Variants in AKT1 observed in about 807,000 individuals in gnomAD.
AKT1 encodes the protein RAC-alpha serine/threonine-protein kinase.
Under a neutral mutation model 63.1 loss-of-function variants are expected in AKT1, and 21 were observed. That is an observed-to-expected ratio of 0.33 (90% CI 0.24 to 0.48). AKT1 has a LOEUF of 0.48. Ranked by LOEUF, AKT1 falls within the 20% of genes least tolerant of loss-of-function variation. The probability of loss-of-function intolerance (pLI) is 0.99; values close to 1 mark genes in which losing one functional copy is unlikely to be tolerated. For synonymous variants in AKT1, 257 were observed against 253.1 expected, an observed-to-expected ratio of 1.02 and a Z score of -0.15; for missense variants, 382 against 666.0, an observed-to-expected ratio of 0.57 and a Z score of 4.69.
intron 3 of AKT1, among the ~76,000 whole-genome samples, chr14:104,781,675 C>T (rs1893054483): frequency 6.6e-6 from 1 of 152,200 alleles, no homozygotes; most frequent in Non-Finnish European, 1.5e-5. Context: ...AAGACCAGCC[C>T]TCTCTCTGCC....
chr14:104,772,486 C>T, intron 12 of AKT1, 34 bp from the exon 13 acceptor site: 1 of 1,605,318 alleles, frequency 6.2e-7, no homozygotes, highest in Non-Finnish European at 8.5e-7. Flanking sequence ...AGTGTCGGTA[C>T]CGCCACCTGC....
intron 3 of AKT1, 85 bp from the exon 4 acceptor site, chr14:104,780,301 G>A (rs886862798): frequency 4.8e-5 from 74 of 1,543,794 alleles, no homozygotes; most frequent in Non-Finnish European, 5.9e-5. Flanking sequence ...GGGTGTGCCA[G>A]GACAGATGTG....
At chr14:104,792,244 T>G (rs974608471) in intron 3 of AKT1, among the ~76,000 whole-genome samples, 2 of 152,136 alleles carry the variant, frequency 1.3e-5, no homozygotes, top group African/African-American at 2.4e-5. Flanking sequence ...CAGGAGCCCT[T>G]GGGCAGTGCC....
At position 104,773,318 on chromosome 14, in the gene AKT1, T is replaced by C. The variant is rs1892504858; in HGVS notation, c.890A>G (p.Lys297Arg). Residue 297 changes from lysine (K) to arginine (R), a missense_variant, in exon 11 of 15, where the codon AAG becomes AGG. Lys to Arg is a conservative substitution (Grantham distance 26). Around this residue, in one of 3 missense-constraint regions of AKT1, gnomAD observed 66 missense variants for 179.1 expected, o/e 0.37. Transcript: ENST00000649815. The stretch of plus-strand genomic sequence containing the variant: ...GGTGGCACCGTCCTTGATCCCCTCC[T>C]TGCACAGCCCGAAGTCTGTGATCTT... ...HIKITDFGLC[K>R]EGIKDGATMK... The C allele has an allele frequency of 6.2e-7, 1 of 1,614,076 alleles. No homozygotes were observed. Among genetic ancestry groups the C allele is most frequent in the Non-Finnish European group, 8.5e-7 (1 of 1,180,024 alleles).
chr14:104,782,248 C>T (rs910449463), intron 3 of AKT1, among the ~76,000 whole-genome samples: 3 of 150,716 alleles, frequency 2.0e-5, no homozygotes, highest in African/African-American at 7.3e-5. Context: ...CTGGAGCTGT[C>T]GGCCCCTGAT....
At chr14:104,774,076 T>TGATACCACACCGCCC in intron 8 of AKT1, 96 bp from the exon 9 acceptor site, 1 of 1,210,336 alleles carries the variant, frequency 8.3e-7, no homozygotes, top group Non-Finnish European at 1.2e-6. Context: ...CCACGTCGCC[T>TGATACCACACCGCCC]GATACCACAC....
At chr14:104,781,494 G>A (rs1037168052) in intron 3 of AKT1, among the ~76,000 whole-genome samples, 2 of 152,184 alleles carry the variant, frequency 1.3e-5, no homozygotes, top group Non-Finnish European at 2.9e-5. Context: ...TGGGTCATGG[G>A]CATCCCAGCA....
In AKT1 at chr14:104,775,923, T is replaced by C. The variant is rs1892676829; in HGVS notation, c.288-124A>G. On this transcript the variant is annotated intron_variant, in intron 5 of 14. Coordinates refer to ENST00000649815, the MANE Select transcript of AKT1 (RefSeq NM_001382430.1). ...CTGTCGGGGTTCCCAGAGACAGCCCTGAGGAGGCCACCACTTGACCTGGTC... is the reference window on the plus strand; with the variant it reads ...CTGTCGGGGTTCCCAGAGACAGCCCCGAGGAGGCCACCACTTGACCTGGTC... 4 of 1,215,402 alleles carry C rather than the reference T, an allele frequency of 3.3e-6. No individual in the cohort carries two copies. In the Admixed American group the frequency reaches 9.3e-5, roughly 28 times the overall value. The allele number at this position is 1,215,402 out of a possible 1,614,324, so 75.3% of individuals were successfully genotyped here.
chr14:104,789,087 G>C (rs1439117526), intron 3 of AKT1, among the ~76,000 whole-genome samples: 1 of 152,240 alleles, frequency 6.6e-6, no homozygotes, highest in South Asian at 2.1e-4. Context: ...GTCACAGCCT[G>C]CCGAAGGCAG....
chr14:104,780,024 T>G, intron 4 of AKT1, 64 bp downstream of exon 4: 2 of 1,583,152 alleles, frequency 1.3e-6, no homozygotes, highest in Non-Finnish European at 1.7e-6. Context: ...TGGGGCCTGG[T>G]GGGCAAAGAG....
intron 3 of AKT1, among the ~76,000 whole-genome samples, chr14:104,785,494 G>A (rs147576780): frequency 6.8e-4 from 104 of 152,242 alleles, no homozygotes; most frequent in African/African-American, 2.4e-3. Flanking sequence ...GTCTGTTCCC[G>A]CCAGGCAGAG....
chr14:104,785,600 A>G (rs1389123157), intron 3 of AKT1, among the ~76,000 whole-genome samples: 1 of 152,146 alleles, frequency 6.6e-6, no homozygotes, highest in Non-Finnish European at 1.5e-5. Flanking sequence ...AGGGCTCATC[A>G]TGCCCATCAG....
At chr14:104,771,108 G>A (rs745616456) in intron 13 of AKT1, 5 of 509,060 alleles carry the variant, frequency 9.8e-6, no homozygotes, top group Non-Finnish European at 1.8e-5. Context: ...GCGACAGGAG[G>A]TAGTGCAGCC....
chr14:104,783,539 G>A (rs942160176), intron 3 of AKT1, among the ~76,000 whole-genome samples: 3 of 23,174 alleles, frequency 1.3e-4, no homozygotes, highest in Non-Finnish European at 2.6e-4. Context: ...CCACCCACCT[G>A]CCTGCACAGC....
Position 104,792,633 on chromosome 14 carries a change from A to G in AKT1, c.11T>C (p.Val4Ala). The G allele has an allele frequency of 6.2e-7, 1 of 1,611,278 alleles. No homozygotes were observed. The highest frequency in any genetic ancestry group is 1.1e-5 in the South Asian group (1 of 91,082). Residue 4 changes from valine (V) to alanine (A), a missense_variant, in exon 3 of 15, where the codon GTG becomes GCG. Coordinates refer to ENST00000649815, the MANE Select transcript of AKT1 (RefSeq NM_001382430.1). MSD[V>A]AIVKEGWLHK... ...CAGCCAACCCTCCTTCACAATAGCC[A>G]CGTCGCTCATGGTGCCCGAGGCTCC... is the stretch of plus-strand genomic sequence containing the variant.
At chr14:104,783,560 A>G (rs1893185360) in intron 3 of AKT1, among the ~76,000 whole-genome samples, 1 of 128,646 alleles carries the variant, frequency 7.8e-6, no homozygotes, top group Admixed American at 9.2e-5. Context: ...TGAGGGCACC[A>G]AACACAGAGT....
chr14:104,773,179 G>C (rs1892494944), intron 11 of AKT1, 72 bp downstream of exon 11: 1 of 1,610,272 alleles, frequency 6.2e-7, no homozygotes, highest in Non-Finnish European at 8.5e-7. Flanking sequence ...GGGGCACAGA[G>C]AGGACACAGC....
At chr14:104,787,988 C>A (rs1383777042) in intron 3 of AKT1, among the ~76,000 whole-genome samples, 1 of 152,224 alleles carries the variant, frequency 6.6e-6, no homozygotes, top group Non-Finnish European at 1.5e-5. Flanking sequence ...TGACCTCCAC[C>A]AGCCTGTGCC....
chr14:104,776,837 C>A (rs946661206), intron 4 of AKT1, 67 bp from the exon 5 acceptor site: 10 of 1,366,976 alleles, frequency 7.3e-6, no homozygotes, highest in African/African-American at 2.8e-5. Context: ...CACCACAGCC[C>A]CCGCTGCACC....
Sources: allele counts gnomAD v4.1 joint callset (sites outside exome capture counted in the v4.1 genomes callset), GRCh38; gene constraint gnomAD v4.1.1; regional missense constraint gnomAD v4.1.1; transcripts MANE v1.5; gene names NCBI Gene and HGNC (gene_info 2026-07-23, HGNC 2026-07-21).